The following EXOC4 variants were observed in gnomAD, a reference collection of about 807,000 sequenced individuals.
EXOC4 encodes the protein exocyst complex component 4, also known as SEC8-like 1.
A neutral mutation model predicts 107.2 loss-of-function variants in EXOC4; 71 were observed. That is an observed-to-expected ratio of 0.66 (90% CI 0.55 to 0.81). The LOEUF (loss-of-function observed/expected upper bound fraction) is 0.81. Among genes scored for constraint, EXOC4 ranks in the 30% least tolerant of loss-of-function variants. EXOC4 has a pLI of 0.00. For missense variants in EXOC4, 1,108 were observed against 1,189.6 expected, an observed-to-expected ratio of 0.93 and a Z score of 1.01; for synonymous variants, 456 against 441.2, an observed-to-expected ratio of 1.03 and a Z score of -0.42.
chr7:133,557,451 G>A lies in EXOC4; in HGVS notation c.1418-72594G>A, dbSNP rs921080033. On this transcript the variant is annotated intron_variant, in intron 9 of 17. Transcript: ENST00000253861. ...ATATGCATTCTGTTAATGGCCTAGGGATTTCATGGGCCCAAGGTTAGTGCT... is the reference window on the plus strand; with the variant it reads ...ATATGCATTCTGTTAATGGCCTAGGAATTTCATGGGCCCAAGGTTAGTGCT... Among the ~76,000 whole-genome samples, 191 of 152,202 alleles carry A rather than the reference G, an allele frequency of 1.3e-3. 1 individual carries two copies. The highest frequency in any genetic ancestry group is 4.3e-3 in the African/African-American group (179 of 41,522).
At chr7:133,972,601 G>A (rs1801268307) in intron 14 of EXOC4, among the ~76,000 whole-genome samples, 1 of 152,140 alleles carries the variant, frequency 6.6e-6, no homozygotes, top group Non-Finnish European at 1.5e-5. Context: ...ATATAGTGTG[G>A]TAGGAATATG....
intron 10 of EXOC4, among the ~76,000 whole-genome samples, chr7:133,758,214 G>A (rs1183485002): frequency 2.6e-5 from 4 of 151,952 alleles, no homozygotes; most frequent in Non-Finnish European, 4.4e-5. Context: ...GGCGTGTCTC[G>A]GCTCACTGCA....
chr7:134,093,081 CGTAAATATTAACCTTGAAT>C, the EXOC4 span, among the ~76,000 whole-genome samples: 1 of 151,948 alleles, frequency 6.6e-6, no homozygotes, highest in Admixed American at 6.6e-5. Flanking sequence ...AAACCTCGCA[CGTAAATATTAACCTTGAAT>C]GTAAATGGTC....
chr7:133,936,035 T>A (rs1800292253), intron 13 of EXOC4, among the ~76,000 whole-genome samples: 1 of 152,216 alleles, frequency 6.6e-6, no homozygotes, highest in African/African-American at 2.4e-5. Flanking sequence ...TATCTCACTT[T>A]GAAGTCTGTG....
intron 14 of EXOC4, among the ~76,000 whole-genome samples, chr7:133,973,358 G>A (rs1041993609): frequency 2.0e-5 from 3 of 152,120 alleles, no homozygotes; most frequent in Non-Finnish European, 4.4e-5. Context: ...ATAGTAATAA[G>A]CCAGACAAAG....
chr7:133,869,542 C>A lies in EXOC4; in HGVS notation c.1735-26057C>A, dbSNP rs115694458. Among the ~76,000 whole-genome samples, 365 of 152,290 alleles carry A rather than the reference C, an allele frequency of 2.4e-3. 5 individuals are homozygous for A. The highest frequency in any genetic ancestry group is 8.2e-3 in the African/African-American group (341 of 41,570). ...CCTTTCTATCCACACATCTCCATAG[C>A]ATAGTGCATTCCTTGTAGTAGGTGC... On this transcript the variant is annotated intron_variant, in intron 11 of 17. Coordinates refer to ENST00000253861, the MANE Select transcript of EXOC4 (RefSeq NM_021807.4).
At chr7:133,680,519 T>G (rs1195508374) in intron 10 of EXOC4, among the ~76,000 whole-genome samples, 4 of 152,204 alleles carry the variant, frequency 2.6e-5, no homozygotes. Flanking sequence ...AACCAATTAC[T>G]TTTTGCAGTT....
the EXOC4 span, among the ~76,000 whole-genome samples, chr7:134,088,903 C>T: frequency 6.6e-6 from 1 of 152,060 alleles, no homozygotes; most frequent in African/African-American, 2.4e-5. Context: ...CTTTACTATA[C>T]CAAATAAGGC....
chr7:134,031,329 C>T (rs1440411391), intron 17 of EXOC4, among the ~76,000 whole-genome samples: 2 of 152,086 alleles, frequency 1.3e-5, no homozygotes, highest in Admixed American at 1.3e-4. Flanking sequence ...AAACTGAGAG[C>T]AGTGGTAGGG....
At chr7:133,956,466 C>G (rs180862460) in intron 14 of EXOC4, among the ~76,000 whole-genome samples, 77 of 152,250 alleles carry the variant, frequency 5.1e-4, no homozygotes, top group African/African-American at 1.8e-3. Flanking sequence ...TTATCTGTAC[C>G]TAGTATTAGA....
chr7:133,800,336 C>A (rs1363687174), intron 10 of EXOC4, among the ~76,000 whole-genome samples: 3 of 152,030 alleles, frequency 2.0e-5, no homozygotes, highest in African/African-American at 7.2e-5. Context: ...TAGTTTTTAA[C>A]TATTCTGATT....
chr7:133,877,381 G>A (rs146608639), intron 11 of EXOC4, among the ~76,000 whole-genome samples: 1 of 152,206 alleles, frequency 6.6e-6, no homozygotes, highest in South Asian at 2.1e-4. Context: ...AGTGCTGGAT[G>A]TTGTTATAGT....
chr7:133,846,374 G>C (rs551844086), intron 11 of EXOC4, among the ~76,000 whole-genome samples: 1 of 152,246 alleles, frequency 6.6e-6, no homozygotes, highest in Non-Finnish European at 1.5e-5. Context: ...TGTAACCACA[G>C]CCTTTTACCA....
chr7:133,781,659 G>T (rs1174081467), intron 10 of EXOC4, among the ~76,000 whole-genome samples: 1 of 152,222 alleles, frequency 6.6e-6, no homozygotes, highest in African/African-American at 2.4e-5. Flanking sequence ...GCTCGTGGGA[G>T]AGATTGATAT....
At chr7:133,875,016 C>T (rs1024375830) in intron 11 of EXOC4, among the ~76,000 whole-genome samples, 1 of 152,228 alleles carries the variant, frequency 6.6e-6, no homozygotes, top group African/African-American at 2.4e-5. Context: ...TCTGTAACTA[C>T]AGATGCTTTG....
chr7:133,662,616 T>TA (rs1290875591), intron 10 of EXOC4, among the ~76,000 whole-genome samples: 1 of 151,858 alleles, frequency 6.6e-6, no homozygotes, highest in Non-Finnish European at 1.5e-5. Context: ...GAATGTTTTT[T>TA]AACAACAACA....
chr7:133,670,152 A>G (rs189418728), intron 10 of EXOC4, among the ~76,000 whole-genome samples: 9 of 152,346 alleles, frequency 5.9e-5, no homozygotes, highest in African/African-American at 2.2e-4. Context: ...ATTGGTGCCT[A>G]CATTGCTAAG....
intron 14 of EXOC4, among the ~76,000 whole-genome samples, chr7:133,973,750 A>G (rs1392329312): frequency 6.6e-6 from 1 of 152,270 alleles, no homozygotes; most frequent in African/African-American, 2.4e-5. Context: ...AACATGGATG[A>G]TAGATGGCAA....
intron 14 of EXOC4, among the ~76,000 whole-genome samples, chr7:133,993,530 A>G (rs1336861221): frequency 6.6e-6 from 1 of 152,192 alleles, no homozygotes; most frequent in African/African-American, 2.4e-5. Flanking sequence ...TGAGAATATG[A>G]TACTAGAATT....
Sources: gnomAD v4.1 joint callset for allele counts (sites outside exome capture counted in the v4.1 genomes callset) on GRCh38, gnomAD v4.1.1 for gene constraint, MANE v1.5 for transcripts, NCBI Gene and HGNC (gene_info 2026-07-23, HGNC 2026-07-21) for gene names.